The following CLYBL variants were observed in gnomAD, a reference collection of about 807,000 sequenced individuals.
The protein encoded by CLYBL is citramalyl-CoA lyase.
In CLYBL, 31 loss-of-function variants were observed where a neutral mutation model predicts 38.9. That is an observed-to-expected ratio of 0.80 (90% confidence interval 0.60 to 1.08). The LOEUF (loss-of-function observed/expected upper bound fraction) is 1.08, where lower values mean the gene tolerates loss of function less well. Ranked by LOEUF, CLYBL falls within the 50% of genes least tolerant of loss-of-function variation. CLYBL has a pLI of 0.00. For missense variants in CLYBL, 434 were observed against 411.6 expected (o/e 1.05, Z -0.47); for synonymous variants, 171 against 158.6 (o/e 1.08, Z -0.59).
rs112682163 is a variant in CLYBL, at chr13:99,908,148, G to A, written c.*254G>A. On this transcript the variant is annotated 3_prime_UTR_variant and NMD_transcript_variant, in exon 10 of 10. Coordinates refer to the CLYBL transcript ENST00000689673. ...CAGAGAACTTGCAAAGGAGTAGAGA[G>A]AATGTTTGAGGTCCAGCCTTGGTGT... is the stretch of plus-strand genomic sequence containing the variant. Among the ~76,000 whole-genome samples, 584 of 152,334 alleles carry A rather than the reference G, an allele frequency of 3.8e-3. 5 individuals carry two copies. Among genetic ancestry groups the A allele is most frequent in the African/African-American group, 0.013 (554 of 41,572 alleles).
At chr13:99,721,991 A>G (rs1279884311) in intron 1 of CLYBL, among the ~76,000 whole-genome samples, 4 of 152,114 alleles carry the variant, frequency 2.6e-5, no homozygotes, top group Non-Finnish European at 4.4e-5. Flanking sequence ...TAATTTCTCT[A>G]TTTGTGATTT....
At position 99,869,648 on chromosome 13, in the gene CLYBL, T is replaced by A. The variant is rs533739127; in HGVS notation, c.803-1290T>A. ...TATTATTATATTTATCCACTTAAAC[T>A]CTTTTACATGAAACACTAAAAATAT... On this transcript the variant is annotated intron_variant, in intron 6 of 8. Coordinates refer to ENST00000339105, the MANE Select transcript of CLYBL (RefSeq NM_206808.5). This position sits in a 1 kb window ranked among gnomAD's most constrained non-coding sequence, Gnocchi z 4.3. Among the ~76,000 whole-genome samples the A allele has an allele frequency of 6.6e-6, 1 of 152,250 alleles. No individual in the cohort carries two copies. Among genetic ancestry groups the A allele is most frequent in the Admixed American group, 6.5e-5 (1 of 15,296 alleles).
intron 1 of CLYBL, among the ~76,000 whole-genome samples, chr13:99,645,819 C>T (rs538459546): frequency 7.2e-5 from 11 of 152,194 alleles, no homozygotes; most frequent in African/African-American, 2.4e-4. Flanking sequence ...CTTTGCTGTG[C>T]AGAAGCTTTT....
intron 1 of CLYBL, among the ~76,000 whole-genome samples, chr13:99,659,957 C>G (rs1190003101): frequency 6.6e-6 from 1 of 152,186 alleles, no homozygotes; most frequent in East Asian, 1.9e-4. Flanking sequence ...ATTTAAAAAA[C>G]TTAATAATAA....
intron 1 of CLYBL, among the ~76,000 whole-genome samples, chr13:99,700,500 A>G (rs1422410553): frequency 6.6e-6 from 1 of 152,186 alleles, no homozygotes; most frequent in Admixed American, 6.5e-5. Flanking sequence ...GGCTACTTGT[A>G]AACAACCCAG....
chr13:99,828,677 A>G (rs1040204414), intron 2 of CLYBL, among the ~76,000 whole-genome samples: 3 of 152,248 alleles, frequency 2.0e-5, no homozygotes, highest in Non-Finnish European at 4.4e-5. Flanking sequence ...AATAACTACA[A>G]GGAAAGGCAT....
rs137930049 is a variant in CLYBL at position 99,630,949 on chromosome 13, T to G, written c.62+24192T>G. On this transcript the variant is annotated intron_variant, in intron 1 of 8. Coordinates refer to ENST00000339105, the MANE Select transcript of CLYBL (RefSeq NM_206808.5). ...CAGACCCCTGTTTCTGAAGCATGTT[T>G]GCTGAACCACTACACTTTAGCCACC... Among the ~76,000 whole-genome samples, 500 of 152,322 alleles carry G rather than the reference T, an allele frequency of 3.3e-3. 5 individuals are homozygous for G. Among genetic ancestry groups the G allele is most frequent in the Non-Finnish European group, 2.9e-3 (199 of 68,026 alleles).
At chr13:99,880,065 TATA>T (rs1332520977) in intron 7 of CLYBL, among the ~76,000 whole-genome samples, 23 of 62,832 alleles carry the variant, frequency 3.7e-4, no homozygotes, top group South Asian at 1.3e-3. Flanking sequence ...TATATATATA[TATA>T]TTTTTTTTTT....
chr13:99,859,854 G>A (rs2051555838), intron 3 of CLYBL, among the ~76,000 whole-genome samples: 1 of 152,168 alleles, frequency 6.6e-6, no homozygotes, highest in Non-Finnish European at 1.5e-5. Context: ...GTTGTTCTGG[G>A]ACAGAAAATG....
At chr13:99,620,274 T>A (rs935150340) in intron 1 of CLYBL, among the ~76,000 whole-genome samples, 11 of 152,200 alleles carry the variant, frequency 7.2e-5, no homozygotes, top group Non-Finnish European at 1.5e-4. Flanking sequence ...ACATTTCACC[T>A]CTTTCAGTTT....
chr13:99,852,711 C>G (rs1006250123), intron 2 of CLYBL, among the ~76,000 whole-genome samples: 1 of 128,290 alleles, frequency 7.8e-6, no homozygotes, highest in Non-Finnish European at 1.6e-5. Flanking sequence ...CAAAAATTGT[C>G]AGTGTTTTAG....
chr13:99,849,233 C>T lies in CLYBL; in HGVS notation c.250-9628C>T, dbSNP rs1306743712. Among the ~76,000 whole-genome samples, 1 of 151,062 alleles carries T rather than the reference C, an allele frequency of 6.6e-6. No homozygotes were observed. The highest frequency in any genetic ancestry group is 2.4e-5 in the African/African-American group (1 of 40,996). On this transcript the variant is annotated intron_variant, in intron 2 of 8. Transcript: ENST00000339105. The surrounding 1 kb of genome is among the most constrained non-coding windows in gnomAD (Gnocchi z 4.9). ...GTCTTTTTTAAAAGTTGTGTGTAGC[C>T]GAGTGTGGTGGTGCATGTCTGTAGT...
At chr13:99,607,271 T>G (rs1306045950) in intron 1 of CLYBL, among the ~76,000 whole-genome samples, 1 of 151,778 alleles carries the variant, frequency 6.6e-6, no homozygotes. Flanking sequence ...CATTAACTTT[T>G]AATACAAATA....
intron 1 of CLYBL, among the ~76,000 whole-genome samples, chr13:99,689,505 C>T (rs946534924): frequency 1.2e-4 from 18 of 152,160 alleles, no homozygotes; most frequent in Non-Finnish European, 2.5e-4. Context: ...AAAATTATTA[C>T]CATTTTAATT....
intron 1 of CLYBL, among the ~76,000 whole-genome samples, chr13:99,742,863 A>G (rs1409826744): frequency 6.6e-6 from 1 of 152,088 alleles, no homozygotes; most frequent in Non-Finnish European, 1.5e-5. Context: ...TGGTTTGGAA[A>G]ACATCATCTG....
intron 1 of CLYBL, among the ~76,000 whole-genome samples, chr13:99,723,189 G>T (rs2048419485): frequency 6.6e-6 from 1 of 152,238 alleles, no homozygotes; most frequent in Non-Finnish European, 1.5e-5. Context: ...TCCCAGGCTG[G>T]TGGACTTCCG....
intron 2 of CLYBL, among the ~76,000 whole-genome samples, chr13:99,819,416 T>TTTTATATATA (rs2050529523): frequency 5.4e-5 from 1 of 18,382 alleles, no homozygotes. Flanking sequence ...GGGAAAAAAT[T>TTTTATATATA]TATATATATA....
At chr13:99,815,036 C>G (rs1371296227) in intron 2 of CLYBL, among the ~76,000 whole-genome samples, 1 of 152,028 alleles carries the variant, frequency 6.6e-6, no homozygotes, top group East Asian at 1.9e-4. Context: ...AAAGAGCAAG[C>G]CAGGGTGGGC....
chr13:99,799,550 A>G (rs2050090351), intron 2 of CLYBL, among the ~76,000 whole-genome samples: 1 of 152,238 alleles, frequency 6.6e-6, no homozygotes, highest in Admixed American at 6.5e-5. Context: ...AGATAATCAC[A>G]TGGGCATCAA....
Sources: allele counts gnomAD v4.1 joint callset (sites outside exome capture counted in the v4.1 genomes callset), GRCh38; gene constraint gnomAD v4.1.1; non-coding constraint Gnocchi (gnomAD v3.1); transcripts MANE v1.5; gene names NCBI Gene and HGNC (gene_info 2026-07-23, HGNC 2026-07-21).